FRMPD4: variants seen among roughly 807,000 people sequenced by gnomAD.
The protein encoded by FRMPD4 is FERM and PDZ domain-containing protein 4.
FRMPD4 carries 22 observed loss-of-function variants against 94.1 expected under a neutral mutation model. The observed-to-expected ratio is 0.23, with a 90% CI of 0.17 to 0.33. The LOEUF is 0.33. FRMPD4 is among the 10% of genes least tolerant of loss of function. The probability of loss-of-function intolerance (pLI) is 1.00; values close to 1 mark genes in which losing one functional copy is unlikely to be tolerated. For missense variants in FRMPD4, 1,111 were observed against 1,339.9 expected (o/e 0.83, Z 2.67); for synonymous variants, 631 against 548.6 (o/e 1.15, Z -2.10).
intron 3 of FRMPD4, among the ~76,000 whole-genome samples, chrX:11,998,376 GA>G (rs770541670): frequency 2.4e-4 from 27 of 111,742 alleles, no homozygotes; most frequent in African/African-American, 8.8e-4. Context: ...TTGGGAAGCA[GA>G]ACCAAAGGTT....
intron 1 of FRMPD4, among the ~76,000 whole-genome samples, chrX:12,454,797 T>C (rs1389040745): frequency 2.0e-5 from 2 of 99,007 alleles, no homozygotes; most frequent in African/African-American, 7.2e-5. Context: ...AGCATGAGGT[T>C]TGGAGTTAGA....
chrX:11,850,896 T>C (rs1357438806), intron 1 of FRMPD4, among the ~76,000 whole-genome samples: 1 of 112,263 alleles, frequency 8.9e-6, no homozygotes, highest in Non-Finnish European at 1.9e-5. Flanking sequence ...CACAATGATA[T>C]GAATGTACTT....
chrX:11,868,363 T>G (rs1400990509), intron 2 of FRMPD4, among the ~76,000 whole-genome samples: 1 of 111,886 alleles, frequency 8.9e-6, no homozygotes, highest in Non-Finnish European at 1.9e-5. Flanking sequence ...ACCCAGGGGT[T>G]GAGGATGGAG....
At chrX:12,707,047 G>T in intron 12 of FRMPD4, 132 bp downstream of exon 12, 1 of 395,069 alleles carries the variant, frequency 2.5e-6, no homozygotes. Flanking sequence ...ACAACAGTCT[G>T]AAAATATCAG....
chrX:12,134,671 A>AT (rs775854645), upstream of FRMPD4, among the ~76,000 whole-genome samples: 1 of 112,357 alleles, frequency 8.9e-6, no homozygotes, highest in South Asian at 3.7e-4. Flanking sequence ...CCCCCGGGGC[A>AT]TAAAAAATGC....
At chrX:12,412,765 T>A (rs746023043) in intron 1 of FRMPD4, among the ~76,000 whole-genome samples, 1 of 111,937 alleles carries the variant, frequency 8.9e-6, no homozygotes, top group South Asian at 3.8e-4. Flanking sequence ...CATAGGCACA[T>A]AGTGTACAAA....
intron 2 of FRMPD4, among the ~76,000 whole-genome samples, chrX:12,558,603 T>G (rs749695154): frequency 1.1e-3 from 122 of 112,433 alleles, no homozygotes; most frequent in Non-Finnish European, 1.9e-3. Context: ...GTTGACTCTT[T>G]TCAGAAGTCA....
At chrX:12,049,993 G>T (rs2054808042) in intron 3 of FRMPD4, among the ~76,000 whole-genome samples, 1 of 111,932 alleles carries the variant, frequency 8.9e-6, no homozygotes, top group African/African-American at 3.2e-5. Context: ...AAAAGTTAAA[G>T]TTTAAAGCTA....
At chrX:12,356,382 T>C (rs1418999333) in intron 1 of FRMPD4, among the ~76,000 whole-genome samples, 5 of 112,157 alleles carry the variant, frequency 4.5e-5, no homozygotes, top group Non-Finnish European at 9.4e-5. Flanking sequence ...CAGAGTCATT[T>C]TATATTTGAG....
chrX:12,649,199 C>T (rs1293234549), intron 4 of FRMPD4, among the ~76,000 whole-genome samples: 1 of 111,841 alleles, frequency 8.9e-6, no homozygotes, highest in South Asian at 3.8e-4. Context: ...TAGGCTCAGA[C>T]AGAAGCTCTG....
chrX:12,690,603 T>G (rs2060070996), intron 8 of FRMPD4, among the ~76,000 whole-genome samples: 1 of 112,451 alleles, frequency 8.9e-6, no homozygotes, highest in Non-Finnish European at 1.9e-5. Context: ...AATTATATTT[T>G]ATGGGATTAC....
chrX:12,428,723 GAAGTTATT>G (rs1230823936), intron 1 of FRMPD4, among the ~76,000 whole-genome samples: 2 of 111,597 alleles, frequency 1.8e-5, no homozygotes, highest in East Asian at 5.6e-4. Flanking sequence ...TAGTATCTTT[GAAGTTATT>G]TTCTGTTCCT....
chrX:12,335,027 T>C (rs1436708570), intron 1 of FRMPD4, among the ~76,000 whole-genome samples: 1 of 111,920 alleles, frequency 8.9e-6, no homozygotes, highest in Non-Finnish European at 1.9e-5. Context: ...GCCTACTTCA[T>C]TGGTACCTAA....
intron 1 of FRMPD4, among the ~76,000 whole-genome samples, chrX:12,440,400 C>G (rs1429630058): frequency 9.0e-6 from 1 of 111,435 alleles, no homozygotes; most frequent in Non-Finnish European, 1.9e-5. Flanking sequence ...AAGAGGAGAA[C>G]AGGGAGGGGA....
chrX:12,540,786 C>T (rs1198881120), intron 2 of FRMPD4, among the ~76,000 whole-genome samples: 1 of 111,937 alleles, frequency 8.9e-6, no homozygotes, highest in East Asian at 2.8e-4. Context: ...ACAGAATATA[C>T]GTTCTTCTAA....
chrX:12,302,451 T>C (rs747478283), intron 1 of FRMPD4, among the ~76,000 whole-genome samples: 2 of 112,231 alleles, frequency 1.8e-5, no homozygotes, highest in South Asian at 7.5e-4. Flanking sequence ...TAGCATACAA[T>C]ATCTCAATAC....
At chrX:12,190,237 T>C (rs754709774) in intron 1 of FRMPD4, among the ~76,000 whole-genome samples, 1 of 111,742 alleles carries the variant, frequency 8.9e-6, no homozygotes, top group African/African-American at 3.2e-5. Flanking sequence ...AGATATCCCA[T>C]GTTCTTGGAT....
intron 1 of FRMPD4, among the ~76,000 whole-genome samples, chrX:12,276,901 C>G (rs1473624393): frequency 9.1e-6 from 1 of 110,375 alleles, no homozygotes; most frequent in Non-Finnish European, 1.9e-5. Context: ...GCGGGCGGAT[C>G]ACGAGGTCAG....
At chrX:11,996,160 T>C (rs2054495073) in intron 3 of FRMPD4, among the ~76,000 whole-genome samples, 1 of 111,897 alleles carries the variant, frequency 8.9e-6, no homozygotes, top group African/African-American at 3.2e-5. Flanking sequence ...AAAATATAAT[T>C]CCATTAGGTA....
Sources: allele counts gnomAD v4.1 joint callset (sites outside exome capture counted in the v4.1 genomes callset), GRCh38; gene constraint gnomAD v4.1.1; transcripts MANE v1.5; gene names NCBI Gene and HGNC (gene_info 2026-07-23, HGNC 2026-07-21).